Variants in ANKFY1 observed in about 807,000 individuals in gnomAD.
The protein encoded by ANKFY1 is ankyrin repeat and FYVE domain containing 1.
A neutral mutation model predicts 128.3 loss-of-function variants in ANKFY1; 47 were observed. That is an observed-to-expected ratio of 0.37 (90% CI 0.29 to 0.47). ANKFY1 has a LOEUF of 0.47. Among genes scored for constraint, ANKFY1 ranks in the 20% least tolerant of loss-of-function variants. ANKFY1 has a pLI of 1.00. For missense variants in ANKFY1, 1,222 were observed against 1,510.6 expected, an observed-to-expected ratio of 0.81 and a Z score of 3.17; for synonymous variants, 553 against 601.6, an observed-to-expected ratio of 0.92 and a Z score of 1.18.
At position 4,178,048 on chromosome 17, in the gene ANKFY1, T is replaced by G. The variant is rs2059440379; in HGVS notation, c.2599-746A>C. 1 of 152,524 alleles carries G rather than the reference T, an allele frequency of 6.6e-6. No individual in the cohort carries two copies. The highest frequency in any genetic ancestry group is 2.4e-5 in the African/African-American group (1 of 41,466). The allele number at this position is 152,524 out of a possible 1,614,324, so 9.4% of individuals were successfully genotyped here. A position where few individuals can be genotyped will look rare whatever the true frequency, so the allele number is the denominator to read the frequency against. ...TAAGCAGCGGATCCACAAAGCGCTT[T>G]CATCAGCAGTCCAGTTTCACACTGG... On this transcript the variant is annotated intron_variant, in intron 18 of 24. Coordinates refer to ENST00000341657, the MANE Select transcript of ANKFY1 (RefSeq NM_001330063.2). This position sits in a 1 kb window ranked among gnomAD's most constrained non-coding sequence, Gnocchi z 4.1.
intron 7 of ANKFY1, among the ~76,000 whole-genome samples, chr17:4,205,737 G>A (rs1379058290): frequency 8.9e-5 from 4 of 45,038 alleles, no homozygotes; most frequent in Admixed American, 6.6e-4. Flanking sequence ...ACAAGACTCC[G>A]TCTCAAAAAA....
chr17:4,179,082 A>T, intron 17 of ANKFY1, 25 bp from the exon 18 acceptor site: 1 of 1,610,422 alleles, frequency 6.2e-7, no homozygotes, highest in Non-Finnish European at 8.5e-7. Context: ...ACAGAATTTA[A>T]TGTTCAATTG....
intron 3 of ANKFY1, among the ~76,000 whole-genome samples, chr17:4,227,305 T>G (rs71366595): frequency 3.9e-4 from 59 of 152,160 alleles, no homozygotes; most frequent in Non-Finnish European, 6.9e-4. Flanking sequence ...GTAAAATTTT[T>G]AACAAAATAT....
At chr17:4,202,283 C>T (rs1397425423) in intron 7 of ANKFY1, among the ~76,000 whole-genome samples, 6 of 152,016 alleles carry the variant, frequency 3.9e-5, no homozygotes, top group Non-Finnish European at 8.8e-5. Context: ...TGCCTGTAAT[C>T]CCAGCTACTA....
chr17:4,238,672 CCG>C lies in ANKFY1; in HGVS notation c.204-2784_204-2783del, dbSNP rs1967044346. On this transcript the variant is annotated intron_variant, in intron 2 of 24. Coordinates refer to ENST00000341657, the MANE Select transcript of ANKFY1 (RefSeq NM_001330063.2). ...TATTTTTAGTAGAGACAGAGTTTCA[CCG>C]TGTTGGTCAGGCTAGTCTCGAACTC... Among the ~76,000 whole-genome samples the C allele has an allele frequency of 2.0e-5, 3 of 151,926 alleles. No homozygotes were observed. In the South Asian group the frequency reaches 6.2e-4, roughly 32 times the overall value.
intron 1 of ANKFY1, among the ~76,000 whole-genome samples, chr17:4,252,444 C>T (rs1452385189): frequency 6.6e-6 from 1 of 152,066 alleles, no homozygotes; most frequent in Non-Finnish European, 1.5e-5. Flanking sequence ...TGGTGTGCAC[C>T]TGCAGTCCTA....
chr17:4,252,033 TAAAA>T (rs537446947), intron 1 of ANKFY1, among the ~76,000 whole-genome samples: 1 of 94,384 alleles, frequency 1.1e-5, no homozygotes, highest in Non-Finnish European at 2.2e-5. Context: ...GACTCCGTCT[TAAAA>T]AAAAAAAAAA....
At chr17:4,239,752 T>C (rs1967106787) in intron 2 of ANKFY1, among the ~76,000 whole-genome samples, 1 of 152,126 alleles carries the variant, frequency 6.6e-6, no homozygotes, top group Non-Finnish European at 1.5e-5. Context: ...TTGGTCAGTC[T>C]GGTCTCAAAC....
chr17:4,218,521 C>T (rs954334319), intron 3 of ANKFY1, among the ~76,000 whole-genome samples: 5 of 152,138 alleles, frequency 3.3e-5, no homozygotes, highest in South Asian at 4.1e-4. Context: ...CCAAGGTGGG[C>T]GGATGGCTTG....
At chr17:4,216,608 A>C (rs960255523) in intron 4 of ANKFY1, 3 of 320,770 alleles carry the variant, frequency 9.4e-6, no homozygotes, top group Non-Finnish European at 1.9e-5. Flanking sequence ...CAACAAAGAG[A>C]CTATGACTAA....
In ANKFY1 at chr17:4,179,886, A is replaced by G; in HGVS notation, c.2241-9T>C. ...TGTTCACGTCACAGCCACTGAAAGG[A>G]ATGGGGACATTTTAAAAAACGCCAC... On this transcript the variant is annotated splice_polypyrimidine_tract_variant and intron_variant, in intron 16 of 24. Coordinates refer to ENST00000341657, the MANE Select transcript of ANKFY1 (RefSeq NM_001330063.2). The G allele has an allele frequency of 6.2e-7, 1 of 1,613,912 alleles. No individual in the cohort carries two copies. The highest frequency in any genetic ancestry group is 8.5e-7 in the Non-Finnish European group (1 of 1,179,980).
At chr17:4,219,309 G>A (rs567226343) in intron 3 of ANKFY1, among the ~76,000 whole-genome samples, 5 of 152,124 alleles carry the variant, frequency 3.3e-5, no homozygotes, top group Non-Finnish European at 7.4e-5. Flanking sequence ...CATGGTCAAC[G>A]CAAGTAATTC....
intron 1 of ANKFY1, among the ~76,000 whole-genome samples, chr17:4,254,926 A>T (rs749234061): frequency 6.6e-6 from 1 of 152,158 alleles, no homozygotes; most frequent in African/African-American, 2.4e-5. Context: ...AGTTGCCTAA[A>T]ATCACACAAT....
At chr17:4,187,516 TC>T (rs2059633121) in intron 11 of ANKFY1, 3 of 369,872 alleles carry the variant, frequency 8.1e-6, no homozygotes, top group Non-Finnish European at 9.6e-6. Flanking sequence ...AAGCCAGTGT[TC>T]CAGGCCCTTC....
intron 3 of ANKFY1, chr17:4,223,431 A>T: frequency 7.6e-7 from 1 of 1,323,376 alleles, no homozygotes; most frequent in Non-Finnish European, 1.1e-6. Context: ...GCTGCTAGGA[A>T]CTGTATCACT....
rs771901226 is a variant in ANKFY1, at chr17:4,195,003, G to A, written c.1347C>T (p.His449=). The part of the protein sequence containing the change: ...FAARLIQRGS[H]TDAPDTATGN... ...CTGTCGCCGTGTCAGGTGCGTCTGT[G>A]TGGCTGCCGCGCTGGATGAGTCTGG... is the stretch of plus-strand genomic sequence containing the variant. The change falls in exon 10 of 25, where the codon CAC becomes CAT. Residue 449 remains histidine, a synonymous_variant. Coordinates refer to ENST00000341657, the MANE Select transcript of ANKFY1 (RefSeq NM_001330063.2). 2 of 1,614,208 alleles carry A rather than the reference G, an allele frequency of 1.2e-6. No homozygotes were observed. The highest frequency in any genetic ancestry group is 8.5e-7 in the Non-Finnish European group (1 of 1,180,052).
At chr17:4,207,796 G>T in intron 6 of ANKFY1, 137 bp downstream of exon 6, 2 of 885,956 alleles carry the variant, frequency 2.3e-6, no homozygotes, top group Non-Finnish European at 3.2e-6. Context: ...AGATTGCCTT[G>T]AACAAACTAT....
At chr17:4,202,421 G>A (rs561405045) in intron 7 of ANKFY1, among the ~76,000 whole-genome samples, 48 of 148,840 alleles carry the variant, frequency 3.2e-4, no homozygotes, top group Non-Finnish European at 4.6e-4. Flanking sequence ...AAAAGAGGCC[G>A]GGCGCAGTGG....
intron 16 of ANKFY1, among the ~76,000 whole-genome samples, chr17:4,180,760 C>CAAAAA (rs11392631): frequency 8.5e-4 from 49 of 57,622 alleles, no homozygotes; most frequent in East Asian, 1.2e-3. Context: ...GACTCTGTCT[C>CAAAAA]AAAAAAAAAA....
Sources: allele counts gnomAD v4.1 joint callset (sites outside exome capture counted in the v4.1 genomes callset), GRCh38; gene constraint gnomAD v4.1.1; non-coding constraint Gnocchi (gnomAD v3.1); transcripts MANE v1.5; gene names NCBI Gene and HGNC (gene_info 2026-07-23, HGNC 2026-07-21).